The following IGF2BP1 variants were observed in gnomAD, a reference collection of about 807,000 sequenced individuals.
IGF2BP1 encodes the protein insulin like growth factor 2 mRNA binding protein 1, also known as insulin-like growth factor 2 mRNA-binding protein 1.
Under a neutral mutation model 74.9 loss-of-function variants are expected in IGF2BP1, and 11 were observed. The observed-to-expected ratio is 0.15, with a 90% CI of 0.09 to 0.24. IGF2BP1 has a LOEUF of 0.24. IGF2BP1 is among the 10% of genes least tolerant of loss of function. The pLI is 1.00. For synonymous variants in IGF2BP1, 287 were observed against 281.8 expected, an observed-to-expected ratio of 1.02 and a Z score of -0.18; for missense variants, 440 against 757.4, an observed-to-expected ratio of 0.58 and a Z score of 4.92.
chr17:49,019,516 ATAATG>A (rs1397374693), intron 2 of IGF2BP1, among the ~76,000 whole-genome samples: 1 of 152,118 alleles, frequency 6.6e-6, no homozygotes, highest in East Asian at 1.9e-4. Flanking sequence ...AGTAGAAAGG[ATAATG>A]TAATAACCCC....
upstream of IGF2BP1, chr17:48,996,629 C>T (rs1405614712): frequency 6.6e-6 from 1 of 152,474 alleles, no homozygotes; most frequent in Non-Finnish European, 1.5e-5. Flanking sequence ...CTGGAGTCAT[C>T]TCCGGCCAGT....
chr17:49,023,423 A>C (rs1302532047), intron 2 of IGF2BP1, among the ~76,000 whole-genome samples: 1 of 151,868 alleles, frequency 6.6e-6, no homozygotes, highest in Non-Finnish European at 1.5e-5. Context: ...AGGCTAGAAA[A>C]GATCATAAAG....
chr17:49,010,074 T>C (rs2143955021), intron 2 of IGF2BP1, among the ~76,000 whole-genome samples: 1 of 152,226 alleles, frequency 6.6e-6, no homozygotes, highest in Middle Eastern at 3.4e-3. Flanking sequence ...GGAGCAAAAC[T>C]CGATTTCAAA....
chr17:49,040,470 G>A (rs1489088394), intron 7 of IGF2BP1, among the ~76,000 whole-genome samples: 1 of 152,208 alleles, frequency 6.6e-6, no homozygotes, highest in East Asian at 1.9e-4. Context: ...ACCCAGCTCA[G>A]CCTCCCAAAG....
chr17:49,004,343 C>G (rs1399520499), intron 2 of IGF2BP1, among the ~76,000 whole-genome samples: 1 of 151,698 alleles, frequency 6.6e-6, no homozygotes, highest in Admixed American at 6.6e-5. Flanking sequence ...TTTCCAGCAC[C>G]TGGGCTGCCT....
intron 4 of IGF2BP1, among the ~76,000 whole-genome samples, chr17:49,030,900 G>T (rs2041914037): frequency 6.6e-6 from 1 of 152,066 alleles, no homozygotes; most frequent in Non-Finnish European, 1.5e-5. Flanking sequence ...AAGTGCTGGG[G>T]ATTACAGGTG....
rs774524369 is a variant in IGF2BP1 at position 49,038,321 on chromosome 17, G to A, written c.555G>A (p.Ala185=). 1.4e-5 allele frequency: 22 copies of A among 1,604,760 alleles called. No individual in the cohort carries two copies. Among genetic ancestry groups the A allele is most frequent in the Non-Finnish European group, 1.9e-5 (22 of 1,175,864 alleles). ...CCCGCCAGGGCTCACCTGTGGCAGC[G>A]GGGGCCCCAGCCAAGCAGCAGCAAG... ...GQPRQGSPVA[A]GAPAKQQQVD... The change falls in exon 6 of 15, where the codon GCG becomes GCA. Residue 185 remains alanine, a synonymous_variant. Transcript: ENST00000290341.
At chr17:49,008,655 C>T (rs1450045248) in intron 2 of IGF2BP1, among the ~76,000 whole-genome samples, 5 of 152,102 alleles carry the variant, frequency 3.3e-5, no homozygotes, top group African/African-American at 4.8e-5. Context: ...CTGTCTAGGC[C>T]CAAACTCCTT....
intron 2 of IGF2BP1, among the ~76,000 whole-genome samples, chr17:49,018,799 A>T (rs1345654760): frequency 6.6e-6 from 1 of 152,030 alleles, no homozygotes; most frequent in Admixed American, 6.6e-5. Flanking sequence ...GACTAACCCT[A>T]CTCCTAGTTT....
In IGF2BP1 at chr17:49,040,057, G is replaced by A; in HGVS notation, c.784G>A (p.Glu262Lys). 6.2e-7 allele frequency: 1 copy of A among 1,614,088 alleles called. No homozygotes were observed. Among genetic ancestry groups the A allele is most frequent in the Non-Finnish European group, 8.5e-7 (1 of 1,180,028 alleles). ...GCSSACKMIL[E>K]IMHKEAKDTK... is the part of the protein sequence containing the mutation. ...CTCCTCCGCTTGTAAGATGATCTTG[G>A]AGATTATGCATAAAGAGGCTAAGGA... The change falls in exon 7 of 15, where the codon GAG becomes AAG. Residue 262 changes from glutamate (E) to lysine (K), a missense_variant. Physicochemically the swap from Glu to Lys is moderately conservative, Grantham distance 56. Transcript: ENST00000290341.
At chr17:49,002,097 T>A (rs1420580488) in intron 2 of IGF2BP1, among the ~76,000 whole-genome samples, 1 of 152,160 alleles carries the variant, frequency 6.6e-6, no homozygotes, top group Non-Finnish European at 1.5e-5. Context: ...TAAAGAATTC[T>A]AAGTTTGGTG....
At chr17:49,035,114 C>T (rs2041971589) in intron 5 of IGF2BP1, among the ~76,000 whole-genome samples, 1 of 152,190 alleles carries the variant, frequency 6.6e-6, no homozygotes, top group African/African-American at 2.4e-5. Context: ...AATTCAGAGC[C>T]TAGAAAAGCC....
intron 4 of IGF2BP1, among the ~76,000 whole-genome samples, chr17:49,029,131 A>G (rs2041892110): frequency 6.6e-6 from 1 of 151,600 alleles, no homozygotes; most frequent in Non-Finnish European, 1.5e-5. Context: ...TTTCCATAGC[A>G]GTCATCACTG....
At chr17:49,011,137 C>CAAAA (rs61620827) in intron 2 of IGF2BP1, among the ~76,000 whole-genome samples, 179 of 57,140 alleles carry the variant, frequency 3.1e-3, no homozygotes, top group East Asian at 4.5e-3. Context: ...GACTCTGTCT[C>CAAAA]AAAAAAAAAA....
Position 49,053,031 on chromosome 17 carries a change from C to T in IGF2BP1, c.*3587C>T, listed in dbSNP as rs1455438599. The T allele has an allele frequency of 1.3e-5, 2 of 152,172 alleles. No individual in the cohort carries two copies. Among genetic ancestry groups the T allele is most frequent in the Non-Finnish European group, 2.9e-5 (2 of 68,050 alleles). 9.4% of individuals were successfully genotyped at this position (152,172 alleles called of 1,614,324 possible). Reference sequence around the variant, plus strand: ...TGCAGTTTGGGTTGTGGACTCAGCTCCTGTGAGGGGTCTGGTTAGGAGAGA... The same window carrying T: ...TGCAGTTTGGGTTGTGGACTCAGCTTCTGTGAGGGGTCTGGTTAGGAGAGA... On this transcript the variant is annotated 3_prime_UTR_variant, in exon 15 of 15. Coordinates refer to ENST00000290341, the MANE Select transcript of IGF2BP1 (RefSeq NM_006546.4).
At chr17:49,009,810 T>C (rs11653225) in intron 2 of IGF2BP1, among the ~76,000 whole-genome samples, 15 of 151,986 alleles carry the variant, frequency 9.9e-5, no homozygotes, top group Non-Finnish European at 2.1e-4. Flanking sequence ...CTGGGCGCGG[T>C]TGCTCACACC....
chr17:49,038,910 C>CTTTTT (rs2042018638), intron 6 of IGF2BP1, among the ~76,000 whole-genome samples: 1 of 135,304 alleles, frequency 7.4e-6, no homozygotes, highest in African/African-American at 3.0e-5. Context: ...CAGAGTTTTG[C>CTTTTT]TCTGTTGCCC....
At chr17:49,015,921 A>G (rs1489048717) in intron 2 of IGF2BP1, among the ~76,000 whole-genome samples, 1 of 152,180 alleles carries the variant, frequency 6.6e-6, no homozygotes, top group Non-Finnish European at 1.5e-5. Context: ...CCCCAGAGCA[A>G]GATGACATTT....
At position 49,055,833 on chromosome 17, in the gene IGF2BP1, A is replaced by G; in HGVS notation, c.*6389A>G. Among the ~76,000 whole-genome samples the G allele has an allele frequency of 7.8e-6, 1 of 128,716 alleles. No individual in the cohort carries two copies. Among genetic ancestry groups the G allele is most frequent in the Non-Finnish European group, 1.6e-5 (1 of 62,580 alleles). The allele number at this position is 128,716 out of a possible 152,430, so 84.4% of individuals were successfully genotyped here. ...AAGAGCTGGAGGCCTACTGCTTGGGACAGTTTTTTTTTTTTTTTTTTTTTT... is the reference window on the plus strand; with the variant it reads ...AAGAGCTGGAGGCCTACTGCTTGGGGCAGTTTTTTTTTTTTTTTTTTTTTT... On this transcript the variant is annotated 3_prime_UTR_variant, in exon 15 of 15. Transcript: ENST00000290341.
Sources: allele counts gnomAD v4.1 joint callset (sites outside exome capture counted in the v4.1 genomes callset), GRCh38; gene constraint gnomAD v4.1.1; transcripts MANE v1.5; gene names NCBI Gene and HGNC (gene_info 2026-07-23, HGNC 2026-07-21).